Variants in NLGN1 observed in about 807,000 individuals in gnomAD.
The protein encoded by NLGN1 is neuroligin 1.
A neutral mutation model predicts 65.5 loss-of-function variants in NLGN1; 12 were observed. The ratio of observed to expected loss-of-function variants is 0.18; its 90% CI spans 0.12 to 0.30. The LOEUF is 0.30. Among genes scored for constraint, NLGN1 ranks in the 10% least tolerant of loss-of-function variants. NLGN1 has a pLI of 1.00. For synonymous variants in NLGN1, 350 were observed against 359.5 expected (o/e 0.97, Z 0.30); for missense variants, 750 against 1,007.1 (o/e 0.74, Z 3.46).
intron 4 of NLGN1, among the ~76,000 whole-genome samples, chr3:173,897,210 C>T (rs1736493271): frequency 6.6e-6 from 1 of 152,140 alleles, no homozygotes; most frequent in Non-Finnish European, 1.5e-5. Flanking sequence ...TAAGATTCCC[C>T]AAGATTCACT....
intron 4 of NLGN1, among the ~76,000 whole-genome samples, chr3:173,967,311 G>T (rs1252323954): frequency 6.6e-6 from 1 of 152,176 alleles, no homozygotes; most frequent in African/African-American, 2.4e-5. Flanking sequence ...AATTTGTGTG[G>T]CTCCCTTCAA....
intron 2 of NLGN1, among the ~76,000 whole-genome samples, chr3:173,498,018 G>A (rs1677796266): frequency 6.6e-6 from 1 of 151,604 alleles, no homozygotes; most frequent in Admixed American, 6.6e-5. Context: ...GTATTTGGAT[G>A]GTAAATGTCA....
chr3:174,250,220 T>C (rs1051642615), intron 4 of NLGN1, among the ~76,000 whole-genome samples: 2 of 152,208 alleles, frequency 1.3e-5, no homozygotes, highest in African/African-American at 4.8e-5. Context: ...AAACATGATA[T>C]GCAAGTACTT....
At chr3:173,399,093 A>T (rs531887999) in intron 1 of NLGN1, among the ~76,000 whole-genome samples, 1 of 152,370 alleles carries the variant, frequency 6.6e-6, no homozygotes, top group African/African-American at 2.4e-5. Flanking sequence ...GTTAAATGCA[A>T]AAACATTAAA....
intron 4 of NLGN1, among the ~76,000 whole-genome samples, chr3:174,051,333 T>C (rs1477620701): frequency 6.6e-6 from 1 of 152,026 alleles, no homozygotes; most frequent in African/African-American, 2.4e-5. Flanking sequence ...AAGTGAGGAT[T>C]TGGCATACCA....
At chr3:173,978,166 A>G (rs1489827726) in intron 4 of NLGN1, among the ~76,000 whole-genome samples, 1 of 152,180 alleles carries the variant, frequency 6.6e-6, no homozygotes, top group East Asian at 1.9e-4. Context: ...AGTAATGTCT[A>G]GCATCAGTCT....
chr3:174,239,770 A>C (rs894917313), intron 4 of NLGN1, among the ~76,000 whole-genome samples: 2 of 152,242 alleles, frequency 1.3e-5, no homozygotes, highest in Non-Finnish European at 2.9e-5. Flanking sequence ...TTTGGCTCTT[A>C]GACAAATTGA....
intron 2 of NLGN1, among the ~76,000 whole-genome samples, chr3:173,440,758 G>T (rs1281972543): frequency 6.6e-6 from 1 of 152,058 alleles, no homozygotes; most frequent in Non-Finnish European, 1.5e-5. Context: ...AGCATAATTC[G>T]TAAGGATCTT....
chr3:174,224,298 C>A (rs765136341), intron 4 of NLGN1, among the ~76,000 whole-genome samples: 2 of 152,148 alleles, frequency 1.3e-5, no homozygotes, highest in African/African-American at 2.4e-5. Flanking sequence ...TATTCAAGTG[C>A]AGTTGTCAAA....
intron 3 of NLGN1, chr3:173,644,503 C>A: frequency 6.1e-6 from 1 of 164,468 alleles, no homozygotes. Context: ...CCCCTTGCTG[C>A]ATCCTGCACC....
chr3:174,193,044 T>C (rs895516314), intron 4 of NLGN1, among the ~76,000 whole-genome samples: 2 of 152,178 alleles, frequency 1.3e-5, no homozygotes, highest in African/African-American at 2.4e-5. Context: ...ATATAACTAA[T>C]TGTCAGCTCC....
intron 2 of NLGN1, among the ~76,000 whole-genome samples, chr3:173,455,481 A>G (rs1333945654): frequency 6.6e-6 from 1 of 152,186 alleles, no homozygotes; most frequent in Non-Finnish European, 1.5e-5. Flanking sequence ...AACCATATCA[A>G]TCAGTGATCA....
At chr3:173,419,277 G>T (rs1288560134) in intron 1 of NLGN1, among the ~76,000 whole-genome samples, 2 of 150,906 alleles carry the variant, frequency 1.3e-5, no homozygotes, top group Non-Finnish European at 2.9e-5. Context: ...GAATGTGTAT[G>T]TGTAGGGGAG....
intron 3 of NLGN1, among the ~76,000 whole-genome samples, chr3:173,727,003 T>G (rs1439175556): frequency 6.6e-6 from 1 of 151,404 alleles, no homozygotes; most frequent in Non-Finnish European, 1.5e-5. Context: ...GGTGTTTGTT[T>G]AATCAAAGCA....
At chr3:173,516,712 A>G (rs776070892) in intron 2 of NLGN1, among the ~76,000 whole-genome samples, 1 of 152,052 alleles carries the variant, frequency 6.6e-6, no homozygotes, top group Non-Finnish European at 1.5e-5. Context: ...AACTTTATGT[A>G]TGTTCTTCAT....
chr3:174,054,970 G>A (rs999066753), intron 4 of NLGN1, among the ~76,000 whole-genome samples: 3 of 151,792 alleles, frequency 2.0e-5, no homozygotes, highest in Middle Eastern at 3.4e-3. Flanking sequence ...TTCTGCTCCC[G>A]ACTAATCTTC....
At chr3:174,273,722 A>G (rs908074613) in intron 4 of NLGN1, among the ~76,000 whole-genome samples, 2 of 151,742 alleles carry the variant, frequency 1.3e-5, no homozygotes, top group African/African-American at 4.8e-5. Context: ...TTCCACAAAC[A>G]CAGACACACA....
intron 4 of NLGN1, among the ~76,000 whole-genome samples, chr3:174,006,966 G>C (rs920390777): frequency 1.3e-5 from 2 of 152,150 alleles, no homozygotes; most frequent in Non-Finnish European, 2.9e-5. Context: ...TACTTGGGAG[G>C]CTGAGGCAGG....
intron 2 of NLGN1, among the ~76,000 whole-genome samples, chr3:173,575,057 A>T (rs553858561): frequency 6.6e-6 from 1 of 152,230 alleles, no homozygotes; most frequent in Non-Finnish European, 1.5e-5. Flanking sequence ...GCTATTTTTT[A>T]AAAAATTTGC....
Sources: allele counts gnomAD v4.1 joint callset (sites outside exome capture counted in the v4.1 genomes callset), GRCh38; gene constraint gnomAD v4.1.1; transcripts MANE v1.5; gene names NCBI Gene and HGNC (gene_info 2026-07-23, HGNC 2026-07-21).